SETD7: variants seen among roughly 807,000 people sequenced by gnomAD.
SETD7 encodes the protein SET domain containing 7, histone lysine methyltransferase.
Under a neutral mutation model 41.8 loss-of-function variants are expected in SETD7, and 16 were observed. That is an observed-to-expected ratio of 0.38 (90% CI 0.26 to 0.58). The LOEUF (loss-of-function observed/expected upper bound fraction) is 0.58. Ranked by LOEUF, SETD7 falls within the 20% of genes least tolerant of loss-of-function variation. The pLI is 0.64. For synonymous variants in SETD7, 163 were observed against 169.7 expected, an observed-to-expected ratio of 0.96 and a Z score of 0.31; for missense variants, 346 against 459.7, an observed-to-expected ratio of 0.75 and a Z score of 2.26.
intron 6 of SETD7, among the ~76,000 whole-genome samples, chr4:139,519,573 T>A (rs142373107): frequency 1.8e-4 from 28 of 152,360 alleles, no homozygotes; most frequent in African/African-American, 4.6e-4. Flanking sequence ...ATAACTTTAT[T>A]ATTATTTCAC....
At chr4:139,544,643 C>T (rs1252922015) in intron 2 of SETD7, among the ~76,000 whole-genome samples, 1 of 152,134 alleles carries the variant, frequency 6.6e-6, no homozygotes, top group Non-Finnish European at 1.5e-5. Flanking sequence ...ATTCTCGGCA[C>T]ACTGGTTCAG....
downstream of SETD7, among the ~76,000 whole-genome samples, chr4:139,501,997 C>CT (rs1257038011): frequency 2.6e-5 from 4 of 152,138 alleles, no homozygotes; most frequent in African/African-American, 7.2e-5. Context: ...AAAACTCAAT[C>CT]TTTTTTTCCC....
intron 2 of SETD7, chr4:139,546,427 T>C: frequency 4.7e-6 from 1 of 213,728 alleles, no homozygotes; most frequent in South Asian, 6.9e-5. Flanking sequence ...GGTGGCAGAA[T>C]CTTGCTTCGG....
At chr4:139,516,171 A>G (rs915791876) in intron 7 of SETD7, among the ~76,000 whole-genome samples, 6 of 152,274 alleles carry the variant, frequency 3.9e-5, no homozygotes, top group Admixed American at 3.9e-4. Context: ...GGCTTATTAT[A>G]AAGAACTTTC....
At chr4:139,530,899 T>G (rs748030292) in intron 3 of SETD7, among the ~76,000 whole-genome samples, 1 of 152,086 alleles carries the variant, frequency 6.6e-6, no homozygotes, top group Non-Finnish European at 1.5e-5. Flanking sequence ...GTAGGGAAAA[T>G]CATCACTTTT....
In SETD7 at chr4:139,506,853, A is replaced by G. The variant is rs1450233642; in HGVS notation, c.*4810T>C. 1 of 152,672 alleles carries G rather than the reference A, an allele frequency of 6.5e-6. No individual in the cohort carries two copies. The highest frequency in any genetic ancestry group is 2.4e-5 in the African/African-American group (1 of 41,456). 9.5% of individuals were successfully genotyped at this position (152,672 alleles called of 1,614,324 possible). On this transcript the variant is annotated 3_prime_UTR_variant, in exon 8 of 8. Transcript: ENST00000274031. ...ACTTTGAACAACTGTGTGTAAAGTCACAGACAGAGGAAGCAAGGATTTTTG... is the reference window on the plus strand; with the variant it reads ...ACTTTGAACAACTGTGTGTAAAGTCGCAGACAGAGGAAGCAAGGATTTTTG...
chr4:139,555,794 G>T lies in SETD7; in HGVS notation c.40+304C>A, dbSNP rs1460927942. ...CCCAAAGGCGGAAAGGCCAGAGCGC[G>T]GGGCAGGTTTCGCAACTCCGAGGGT... On this transcript the variant is annotated intron_variant, in intron 1 of 7. Transcript: ENST00000274031. The surrounding 1 kb of genome is among the most constrained non-coding windows in gnomAD (Gnocchi z 4.0). Among the ~76,000 whole-genome samples, 5 of 152,168 alleles carry T rather than the reference G, an allele frequency of 3.3e-5. No individual in the cohort carries two copies. Among genetic ancestry groups the T allele is most frequent in the African/African-American group, 9.6e-5 (4 of 41,462 alleles).
At chr4:139,552,822 C>T (rs1352598818) in intron 1 of SETD7, among the ~76,000 whole-genome samples, 17 of 152,186 alleles carry the variant, frequency 1.1e-4, no homozygotes, top group Admixed American at 1.1e-3. Flanking sequence ...TTTTTACTTC[C>T]TCTCAACCAT....
At chr4:139,518,444 G>A (rs1448343224) in intron 6 of SETD7, among the ~76,000 whole-genome samples, 2 of 152,208 alleles carry the variant, frequency 1.3e-5, no homozygotes, top group African/African-American at 4.8e-5. Flanking sequence ...TTCAAGGTTT[G>A]AGCACTACAA....
intron 2 of SETD7, among the ~76,000 whole-genome samples, chr4:139,539,434 C>T (rs1174988785): frequency 1.3e-5 from 2 of 152,222 alleles, no homozygotes; most frequent in African/African-American, 4.8e-5. Context: ...CCAGAAACTT[C>T]AACTTCTCCC....
In SETD7 at chr4:139,518,003, A is replaced by AG. The variant is rs1727076567; in HGVS notation, c.801dup (p.Ser268LeufsTer3). 6.2e-7 allele frequency: 1 copy of AG among 1,613,926 alleles called. No homozygotes were observed. On this transcript the variant is annotated frameshift_variant, in exon 7 of 8. Coordinates refer to ENST00000274031, the MANE Select transcript of SETD7 (RefSeq NM_030648.4). LOFTEE classifies it high-confidence loss of function. ...TCAATGACCGTTTCTTCATCAAGGG[A>AG]GAGGGTGTTCCCATTAAGGGCCCAG...
chr4:139,555,417 G>A lies in SETD7; in HGVS notation c.40+681C>T, dbSNP rs939128784. 2.6e-4 allele frequency among the ~76,000 whole-genome samples: 40 copies of A among 152,150 alleles called. No individual in the cohort carries two copies. The highest frequency in any genetic ancestry group is 2.0e-4 in the East Asian group (1 of 5,124). Reference sequence around the variant, plus strand: ...CCCAGCCAAGCAGGAAGGGGGAGGGGGAGGCCTGACTGAGTTCGCTCGGGG... The same window carrying A: ...CCCAGCCAAGCAGGAAGGGGGAGGGAGAGGCCTGACTGAGTTCGCTCGGGG... On this transcript the variant is annotated intron_variant, in intron 1 of 7. Transcript: ENST00000274031. The surrounding 1 kb of genome is among the most constrained non-coding windows in gnomAD (Gnocchi z 4.0).
Position 139,529,070 on chromosome 4 carries a change from T to G in SETD7, c.523A>C (p.Thr175Pro). 1 of 1,614,050 alleles carries G rather than the reference T, an allele frequency of 6.2e-7. No individual in the cohort carries two copies. Among genetic ancestry groups the G allele is most frequent in the Non-Finnish European group, 8.5e-7 (1 of 1,179,980 alleles). The change falls in exon 4 of 8, where the codon ACT (threonine) becomes CCT (proline). Residue 175 changes from threonine to proline, a missense_variant. Around this residue, in one of 3 missense-constraint regions of SETD7, gnomAD observed 266 missense variants for 377.0 expected, o/e 0.71. Transcript: ENST00000274031. ...IEGKLATLMS[T>P]EEGRPHFELM... ...TCAAAGTGAGGCCTCCCTTCTTCAGTGGACATAAGGGTAGCCAGTTTGCCT... is the reference window on the plus strand; with the variant it reads ...TCAAAGTGAGGCCTCCCTTCTTCAGGGGACATAAGGGTAGCCAGTTTGCCT...
At chr4:139,522,971 C>T (rs980880699) in intron 5 of SETD7, among the ~76,000 whole-genome samples, 1 of 151,932 alleles carries the variant, frequency 6.6e-6, no homozygotes, top group African/African-American at 2.4e-5. Context: ...CCAGGCTGGT[C>T]TTGAACTCCT....
chr4:139,516,516 A>G (rs1727032196), intron 7 of SETD7, among the ~76,000 whole-genome samples: 1 of 150,420 alleles, frequency 6.6e-6, no homozygotes, highest in South Asian at 2.1e-4. Context: ...TAGTCATTGG[A>G]GCCCAGAAGC....
At chr4:139,527,149 C>T (rs1727355504) in intron 4 of SETD7, among the ~76,000 whole-genome samples, 1 of 152,118 alleles carries the variant, frequency 6.6e-6, no homozygotes, top group South Asian at 2.1e-4. Flanking sequence ...CCCCTAGGCT[C>T]CAAACCTGTA....
chr4:139,497,215 G>A (rs534622641), intron 7 of SETD7, among the ~76,000 whole-genome samples: 6 of 152,288 alleles, frequency 3.9e-5, no homozygotes, highest in South Asian at 2.1e-4. Context: ...AGCACTTTGG[G>A]AGGCCGAGGT....
At chr4:139,541,154 G>A (rs187577420) in intron 2 of SETD7, among the ~76,000 whole-genome samples, 14 of 152,186 alleles carry the variant, frequency 9.2e-5, no homozygotes, top group Admixed American at 9.2e-4. Context: ...AACAAATAAA[G>A]CTGAATGAAT....
chr4:139,547,937 G>A (rs183115137), intron 1 of SETD7: 2 of 152,204 alleles, frequency 1.3e-5, no homozygotes, highest in South Asian at 2.1e-4. Flanking sequence ...GTCAAAGATT[G>A]GTATAGTTTA....
Sources: gnomAD v4.1 joint callset for allele counts (sites outside exome capture counted in the v4.1 genomes callset) on GRCh38, gnomAD v4.1.1 for gene constraint, gnomAD v4.1.1 regional missense constraint, Gnocchi (gnomAD v3.1) non-coding constraint, MANE v1.5 for transcripts, NCBI Gene and HGNC (gene_info 2026-07-23, HGNC 2026-07-21) for gene names.